Variants in ZEB1 observed in about 807,000 individuals in gnomAD.
ZEB1 encodes the protein zinc finger E-box-binding homeobox 1.
A neutral mutation model predicts 84.9 loss-of-function variants in ZEB1; 21 were observed. The observed-to-expected ratio is 0.25, with a 90% confidence interval of 0.18 to 0.36. The LOEUF is 0.36. ZEB1 is among the 10% of genes least tolerant of loss of function. The pLI is 1.00. For synonymous variants in ZEB1, 420 were observed against 471.1 expected, an observed-to-expected ratio of 0.89 and a Z score of 1.41; for missense variants, 1,104 against 1,330.2, an observed-to-expected ratio of 0.83 and a Z score of 2.65.
chr10:31,365,544 C>T (rs901354021), intron 1 of ZEB1, among the ~76,000 whole-genome samples: 4 of 152,132 alleles, frequency 2.6e-5, no homozygotes, highest in Non-Finnish European at 5.9e-5. Context: ...ATTCACAGGT[C>T]ATATTATAGG....
At chr10:31,466,351 A>G (rs1173030492) in intron 2 of ZEB1, among the ~76,000 whole-genome samples, 2 of 152,224 alleles carry the variant, frequency 1.3e-5, no homozygotes, top group East Asian at 3.8e-4. Flanking sequence ...TCCAGGACAG[A>G]TTATTTGTTA....
chr10:31,476,849 T>C (rs767497481), intron 2 of ZEB1, among the ~76,000 whole-genome samples: 2 of 151,956 alleles, frequency 1.3e-5, no homozygotes, highest in African/African-American at 4.8e-5. Context: ...AGGCTGTTGG[T>C]AAAATTCAAT....
At chr10:31,458,310 T>C (rs2061461610) in intron 1 of ZEB1, among the ~76,000 whole-genome samples, 1 of 128,708 alleles carries the variant, frequency 7.8e-6, no homozygotes. Flanking sequence ...GCATCTCCAT[T>C]CCGTGTGTGT....
intron 1 of ZEB1, chr10:31,321,423 G>A: frequency 6.2e-7 from 1 of 1,611,086 alleles, no homozygotes; most frequent in East Asian, 2.2e-5. Context: ...ACTTGTTATA[G>A]CAAGGAGTGG....
At chr10:31,362,775 G>T (rs1032441168) in intron 1 of ZEB1, 3 of 664,488 alleles carry the variant, frequency 4.5e-6, no homozygotes, top group South Asian at 3.2e-5. Flanking sequence ...TGATCCGCCC[G>T]CCTGGGCCTC....
chr10:31,388,167 A>G (rs2048976901), intron 1 of ZEB1, among the ~76,000 whole-genome samples: 1 of 152,174 alleles, frequency 6.6e-6, no homozygotes, highest in African/African-American at 2.4e-5. Flanking sequence ...GGTCAGTCTT[A>G]GGCAAGAATA....
chr10:31,318,460 C>T (rs1367499490), upstream of ZEB1: 1 of 152,480 alleles, frequency 6.6e-6, no homozygotes, highest in African/African-American at 2.4e-5. Context: ...GAACTTCTAG[C>T]CTCTCTTTCA....
chr10:31,520,554 A>G lies in ZEB1; in HGVS notation c.1222A>G (p.Ile408Val). The change falls in exon 7 of 9, where the codon ATC (isoleucine) becomes GTC (valine). Residue 408 changes from isoleucine (I) to valine (V), a missense_variant. Transcript: ENST00000424869. The surrounding 1 kb of genome is among the most constrained non-coding windows in gnomAD (Gnocchi z 5.1). ...AGTTGGTTTGGTGTCTCCCATAAGTATCAATTTAAGTGATATTCAGAATGT... is the reference window on the plus strand; with the variant it reads ...AGTTGGTTTGGTGTCTCCCATAAGTGTCAATTTAAGTGATATTCAGAATGT... ...PTVGLVSPIS[I>V]NLSDIQNVLK... 1 of 1,614,016 alleles carries G rather than the reference A, an allele frequency of 6.2e-7. No homozygotes were observed. Among genetic ancestry groups the G allele is most frequent in the Non-Finnish European group, 8.5e-7 (1 of 1,179,930 alleles).
At chr10:31,509,562 C>T (rs912766651) in intron 4 of ZEB1, among the ~76,000 whole-genome samples, 2 of 152,178 alleles carry the variant, frequency 1.3e-5, no homozygotes, top group Admixed American at 6.5e-5. Context: ...CTTGAAGCCC[C>T]TCTCTCAACA....
At chr10:31,392,277 C>A (rs989115079) in intron 1 of ZEB1, among the ~76,000 whole-genome samples, 21 of 152,072 alleles carry the variant, frequency 1.4e-4, no homozygotes, top group African/African-American at 5.1e-4. Context: ...CTTTTTCTCT[C>A]TTCAAATTCT....
intron 1 of ZEB1, among the ~76,000 whole-genome samples, chr10:31,359,473 T>G (rs2042637832): frequency 6.6e-6 from 1 of 152,172 alleles, no homozygotes; most frequent in Admixed American, 6.5e-5. Context: ...TGAAATACTC[T>G]TTTAACTTTG....
intron 1 of ZEB1, among the ~76,000 whole-genome samples, chr10:31,379,668 C>A (rs1010022917): frequency 1.3e-5 from 2 of 150,994 alleles, no homozygotes; most frequent in East Asian, 3.9e-4. Context: ...TTTACTTGTA[C>A]TAGAATATAT....
At chr10:31,502,544 C>T (rs1425196998) in intron 4 of ZEB1, 35 bp downstream of exon 4, 1 of 1,612,964 alleles carries the variant, frequency 6.2e-7, no homozygotes, top group African/African-American at 1.3e-5. Context: ...TTCTTTCCCT[C>T]TTTAAAGGAT....
At chr10:31,389,885 T>C (rs1330222140) in intron 1 of ZEB1, among the ~76,000 whole-genome samples, 3 of 152,138 alleles carry the variant, frequency 2.0e-5, no homozygotes, top group Non-Finnish European at 2.9e-5. Flanking sequence ...CAGCACATCT[T>C]ATATTGGACT....
intron 2 of ZEB1, among the ~76,000 whole-genome samples, chr10:31,475,060 G>T (rs1362342548): frequency 1.3e-5 from 2 of 148,226 alleles, no homozygotes; most frequent in African/African-American, 2.5e-5. Flanking sequence ...GGGGACTGTT[G>T]TGGGGTGGGG....
chr10:31,452,724 TGTGTGTGTGTGTGTGTGTGA>T (rs1310503206), intron 1 of ZEB1, among the ~76,000 whole-genome samples: 5 of 120,186 alleles, frequency 4.2e-5, no homozygotes, highest in South Asian at 2.6e-4. Context: ...TGTGTGTGTG[TGTGTGTGTGTGTGTGTGTGA>T]GAGAGAGAGA....
intron 1 of ZEB1, among the ~76,000 whole-genome samples, chr10:31,439,672 G>A (rs2058683514): frequency 1.3e-5 from 2 of 152,098 alleles, no homozygotes; most frequent in African/African-American, 2.4e-5. Flanking sequence ...GAGTGCAATG[G>A]GGGTGGGGGT....
chr10:31,424,528 G>C (rs1044295677), intron 1 of ZEB1, among the ~76,000 whole-genome samples: 1 of 151,902 alleles, frequency 6.6e-6, no homozygotes, highest in South Asian at 2.1e-4. Context: ...TCTGTTGTAC[G>C]TTAGGATTTG....
intron 1 of ZEB1, among the ~76,000 whole-genome samples, chr10:31,338,972 G>A (rs982925543): frequency 6.6e-6 from 1 of 152,122 alleles, no homozygotes; most frequent in Non-Finnish European, 1.5e-5. Context: ...TAGTAAAATA[G>A]AGTTAGACTG....
Sources: gnomAD v4.1 joint callset for allele counts (sites outside exome capture counted in the v4.1 genomes callset) on GRCh38, gnomAD v4.1.1 for gene constraint, Gnocchi (gnomAD v3.1) non-coding constraint, MANE v1.5 for transcripts, NCBI Gene and HGNC (gene_info 2026-07-23, HGNC 2026-07-21) for gene names.